Variants in DPYSL3 observed in about 807,000 individuals in gnomAD.
DPYSL3 encodes the protein dihydropyrimidinase-related protein 3.
In DPYSL3, 16 loss-of-function variants were observed where a neutral mutation model predicts 66.1. That is an observed-to-expected ratio of 0.24 (90% CI 0.16 to 0.37). The LOEUF (loss-of-function observed/expected upper bound fraction) is 0.37, where lower values mean the gene tolerates loss of function less well. Ranked by LOEUF, DPYSL3 falls within the 10% of genes least tolerant of loss-of-function variation. The pLI is 1.00. For synonymous variants in DPYSL3, 338 were observed against 345.1 expected (o/e 0.98, Z 0.23); for missense variants, 738 against 916.2 (o/e 0.81, Z 2.51).
chr5:147,406,509 A>T (rs985523290), intron 7 of DPYSL3, among the ~76,000 whole-genome samples: 2 of 152,164 alleles, frequency 1.3e-5, no homozygotes, highest in Non-Finnish European at 2.9e-5. Flanking sequence ...GGATAATAGG[A>T]TCTGACATGT....
chr5:147,434,690 A>G, intron 1 of DPYSL3, among the ~76,000 whole-genome samples: 1 of 150,410 alleles, frequency 6.6e-6, no homozygotes, highest in Non-Finnish European at 1.5e-5. Flanking sequence ...AATGACGAAG[A>G]GTAAAACTAT....
intron 1 of DPYSL3, among the ~76,000 whole-genome samples, chr5:147,461,442 G>C (rs559743220): frequency 1.8e-4 from 27 of 152,106 alleles, no homozygotes; most frequent in Admixed American, 3.3e-4. Context: ...AACCCATTTG[G>C]GACCCCTCTC....
chr5:147,405,010 G>A (rs1187392376), intron 8 of DPYSL3, among the ~76,000 whole-genome samples: 1 of 152,090 alleles, frequency 6.6e-6, no homozygotes, highest in African/African-American at 2.4e-5. Context: ...TTGACCTGCT[G>A]GAAAAGGTGT....
chr5:147,400,965 C>G, intron 9 of DPYSL3, 132 bp from the exon 10 acceptor site: 1 of 1,187,464 alleles, frequency 8.4e-7, no homozygotes, highest in Non-Finnish European at 1.1e-6. Context: ...CTACCTCTTA[C>G]TAGATATATG....
chr5:147,461,362 C>T (rs1336976102), intron 1 of DPYSL3, among the ~76,000 whole-genome samples: 1 of 152,126 alleles, frequency 6.6e-6, no homozygotes, highest in African/African-American at 2.4e-5. Context: ...ATCTTTTGTG[C>T]CCTATGTAAA....
intron 8 of DPYSL3, 48 bp downstream of exon 8, chr5:147,405,562 G>A: frequency 6.3e-7 from 1 of 1,579,390 alleles, no homozygotes; most frequent in Non-Finnish European, 8.6e-7. Flanking sequence ...GAGGGAAGGA[G>A]CCACACAGTG....
intron 1 of DPYSL3, among the ~76,000 whole-genome samples, chr5:147,497,395 T>TACA (rs1196678125): frequency 1.3e-5 from 2 of 151,848 alleles, no homozygotes; most frequent in Non-Finnish European, 1.5e-5. Context: ...AAACTTAAAG[T>TACA]ATAATAATAA....
At chr5:147,488,169 TA>T (rs1211294393) in intron 1 of DPYSL3, among the ~76,000 whole-genome samples, 1 of 152,168 alleles carries the variant, frequency 6.6e-6, no homozygotes, top group Non-Finnish European at 1.5e-5. Context: ...CAACCCAACA[TA>T]AGCTTTACAT....
At chr5:147,431,096 A>T (rs1413831311) in intron 1 of DPYSL3, among the ~76,000 whole-genome samples, 1 of 152,206 alleles carries the variant, frequency 6.6e-6, no homozygotes, top group Non-Finnish European at 1.5e-5. Context: ...GGGCAATTAG[A>T]TTTGATTTCC....
At chr5:147,481,263 T>C (rs1753239072) in intron 1 of DPYSL3, among the ~76,000 whole-genome samples, 1 of 152,218 alleles carries the variant, frequency 6.6e-6, no homozygotes, top group Non-Finnish European at 1.5e-5. Context: ...TACTAGAATC[T>C]ACCTACCTCA....
chr5:147,451,448 A>C (rs993007115), intron 1 of DPYSL3, among the ~76,000 whole-genome samples: 1 of 152,226 alleles, frequency 6.6e-6, no homozygotes, highest in Non-Finnish European at 1.5e-5. Context: ...AAGGGAATCC[A>C]CTGCAAATCT....
Position 147,391,548 on chromosome 5 carries a change from A to G in DPYSL3, c.*2487T>C, listed in dbSNP as rs965987934. On this transcript the variant is annotated 3_prime_UTR_variant, in exon 14 of 14. Coordinates refer to ENST00000343218, the MANE Select transcript of DPYSL3 (RefSeq NM_001197294.2). ...GGACAGCTTTGGAATCAGATAGACG[A>G]TCCAGCGTGCCTTCCTACACTTGCA... 3.9e-5 allele frequency: 6 copies of G among 152,524 alleles called. No homozygotes were observed. The East Asian group carries it at 1.2e-3, about 30-fold the overall frequency. The allele number at this position is 152,524 out of a possible 1,614,324, so 9.4% of individuals were successfully genotyped here.
intron 1 of DPYSL3, among the ~76,000 whole-genome samples, chr5:147,468,785 T>A (rs1181447798): frequency 1.3e-5 from 2 of 152,142 alleles, no homozygotes; most frequent in African/African-American, 2.4e-5. Flanking sequence ...GCAGGTTTGT[T>A]ACATATGTAT....
intron 1 of DPYSL3, among the ~76,000 whole-genome samples, chr5:147,495,831 A>G (rs1444957106): frequency 2.6e-5 from 4 of 152,218 alleles, no homozygotes; most frequent in African/African-American, 9.6e-5. Flanking sequence ...GCCCAAGGTA[A>G]TTTATAGATT....
At chr5:147,507,342 AT>A (rs112908394) in intron 1 of DPYSL3, among the ~76,000 whole-genome samples, 20,043 of 145,688 alleles carry the variant, frequency 0.14, 1,315 homozygotes, top group Middle Eastern at 0.23. Context: ...TTTGGGCTTA[AT>A]TTTTTTTTTT....
chr5:147,421,702 A>G (rs1380099984), intron 2 of DPYSL3, among the ~76,000 whole-genome samples: 1 of 152,126 alleles, frequency 6.6e-6, no homozygotes, highest in East Asian at 1.9e-4. Context: ...CAGAAATAAC[A>G]CCACACATCT....
At chr5:147,486,703 A>T (rs1272758825) in intron 1 of DPYSL3, among the ~76,000 whole-genome samples, 2 of 151,736 alleles carry the variant, frequency 1.3e-5, no homozygotes, top group Non-Finnish European at 2.9e-5. Flanking sequence ...CTGAGTAAAC[A>T]TCTGTTGGGT....
intron 8 of DPYSL3, among the ~76,000 whole-genome samples, chr5:147,405,148 G>A (rs185471267): frequency 1.8e-4 from 28 of 152,274 alleles, no homozygotes; most frequent in East Asian, 1.2e-3. Flanking sequence ...AGGAGTAAGC[G>A]TGACAAACAC....
At chr5:147,469,193 C>T (rs180933299) in intron 1 of DPYSL3, among the ~76,000 whole-genome samples, 263 of 152,362 alleles carry the variant, frequency 1.7e-3, no homozygotes, top group African/African-American at 6.2e-3. Flanking sequence ...CAGTAATACT[C>T]CGCATCACTG....
Sources: allele counts gnomAD v4.1 joint callset (sites outside exome capture counted in the v4.1 genomes callset), GRCh38; gene constraint gnomAD v4.1.1; transcripts MANE v1.5; gene names NCBI Gene and HGNC (gene_info 2026-07-23, HGNC 2026-07-21).